Variants in SCAI observed in about 807,000 individuals in gnomAD.
The protein encoded by SCAI is protein SCAI.
Under a neutral mutation model 92.2 loss-of-function variants are expected in SCAI, and 24 were observed. The ratio of observed to expected loss-of-function variants is 0.26; its 90% confidence interval spans 0.19 to 0.37. The LOEUF is 0.37. SCAI is among the 10% of genes least tolerant of loss of function. SCAI has a pLI of 1.00. For missense variants in SCAI, 450 were observed against 736.2 expected (o/e 0.61, Z 4.50); for synonymous variants, 261 against 258.6 (o/e 1.01, Z -0.09).
At chr9:125,040,011 A>G (rs990014023) in intron 3 of SCAI, among the ~76,000 whole-genome samples, 1 of 152,196 alleles carries the variant, frequency 6.6e-6, no homozygotes, top group Non-Finnish European at 1.5e-5. Flanking sequence ...AAGTAAAACA[A>G]TGCTCTCTTG....
chr9:124,960,415 C>A (rs986668071), intron 17 of SCAI, among the ~76,000 whole-genome samples: 3 of 152,122 alleles, frequency 2.0e-5, no homozygotes, highest in Non-Finnish European at 4.4e-5. Flanking sequence ...CAACACTGTA[C>A]AACTGCCATG....
intron 2 of SCAI, among the ~76,000 whole-genome samples, chr9:125,110,500 T>C (rs1193891352): frequency 1.3e-5 from 2 of 152,200 alleles, no homozygotes; most frequent in African/African-American, 4.8e-5. Flanking sequence ...AAATCTCATG[T>C]TGAACAGCAA....
At chr9:125,001,804 T>C (rs1782935153) in intron 12 of SCAI, among the ~76,000 whole-genome samples, 161 bp downstream of exon 12, 1 of 152,176 alleles carries the variant, frequency 6.6e-6, no homozygotes, top group South Asian at 2.1e-4. Context: ...TATGACAGAC[T>C]GGGGTATCTA....
rs531869321 is a variant in SCAI, at chr9:125,008,709, G to A, written c.862-5139C>T. Among the ~76,000 whole-genome samples the A allele has an allele frequency of 2.9e-4, 44 of 152,276 alleles. No individual in the cohort carries two copies. The South Asian group carries it at 3.5e-3, about 12-fold the overall frequency. On this transcript the variant is annotated intron_variant, in intron 9 of 17. Transcript: ENST00000336505. ...ACAGAAAAGAATATAACAGACACAC[G>A]TGGCACTGTGAACGGGTCTACAAAC...
chr9:125,031,348 T>TCCTCCC (rs926258226), intron 3 of SCAI, among the ~76,000 whole-genome samples: 2 of 151,736 alleles, frequency 1.3e-5, no homozygotes, highest in Non-Finnish European at 2.9e-5. Flanking sequence ...TGCAAGCTCC[T>TCCTCCC]CCTCCCAGGT....
intron 2 of SCAI, among the ~76,000 whole-genome samples, chr9:125,090,888 G>A (rs1378129688): frequency 1.3e-5 from 2 of 152,166 alleles, no homozygotes; most frequent in Non-Finnish European, 2.9e-5. Context: ...GGAGGCCGAG[G>A]CAGGTGGATC....
intron 3 of SCAI, among the ~76,000 whole-genome samples, chr9:125,054,036 G>A (rs1454419556): frequency 1.3e-5 from 2 of 152,136 alleles, no homozygotes; most frequent in African/African-American, 2.4e-5. Flanking sequence ...GTGCAGTGGT[G>A]TGATCACAGT....
intron 9 of SCAI, among the ~76,000 whole-genome samples, chr9:125,006,781 C>T (rs1266216967): frequency 2.0e-5 from 3 of 152,156 alleles, no homozygotes; most frequent in Non-Finnish European, 4.4e-5. Context: ...TGAGCCACTG[C>T]ACCTGACCTA....
chr9:125,054,245 G>C (rs1345958610), intron 3 of SCAI, among the ~76,000 whole-genome samples: 1 of 152,188 alleles, frequency 6.6e-6, no homozygotes, highest in Admixed American at 6.5e-5. Context: ...GAAGTGCTGG[G>C]ATTATGGGCG....
chr9:125,072,930 C>T (rs561259720), intron 2 of SCAI, among the ~76,000 whole-genome samples: 1 of 152,088 alleles, frequency 6.6e-6, no homozygotes, highest in African/African-American at 2.4e-5. Flanking sequence ...CTTCTCCATT[C>T]ATCCACTGAT....
rs568427430 is a variant in SCAI, at chr9:124,953,037, T to TA, written c.1675-85dup. 1.3e-4 allele frequency: 150 copies of TA among 1,116,554 alleles called. 1 individual carries two copies. Among genetic ancestry groups the TA allele is most frequent in the Non-Finnish European group, 1.8e-4 (137 of 751,440 alleles). The allele number at this position is 1,116,554 out of a possible 1,614,324, so 69.2% of individuals were successfully genotyped here. A position where few individuals can be genotyped will look rare whatever the true frequency, so the allele number is the denominator to read the frequency against. On this transcript the variant is annotated intron_variant, in intron 17 of 17. Transcript: ENST00000336505. ...CATTGATAACAGTGTCAAGGAGTAATATGTATTTTCACTTTTATACTGGAA... is the reference window on the plus strand; with the variant it reads ...CATTGATAACAGTGTCAAGGAGTAATAATGTATTTTCACTTTTATACTGGAA...
At position 125,091,930 on chromosome 9, in the gene SCAI, T is replaced by C. The variant is rs750685353; in HGVS notation, c.99-35923A>G. On this transcript the variant is annotated intron_variant, in intron 2 of 17. Transcript: ENST00000336505. The surrounding 1 kb of genome is among the most constrained non-coding windows in gnomAD (Gnocchi z 4.3). The stretch of plus-strand genomic sequence containing the variant: ...ATCGAGACCATCCTGGCTAACACGA[T>C]GAAACCCCGTCTCTACCAAAAATAA... 5.3e-5 allele frequency among the ~76,000 whole-genome samples: 8 copies of C among 151,518 alleles called. No homozygotes were observed. Among genetic ancestry groups the C allele is most frequent in the Non-Finnish European group, 1.2e-4 (8 of 67,898 alleles).
intron 2 of SCAI, among the ~76,000 whole-genome samples, chr9:125,076,653 T>C (rs564187102): frequency 3.7e-4 from 57 of 152,172 alleles, no homozygotes; most frequent in African/African-American, 1.3e-3. Flanking sequence ...TTGTTTGAGT[T>C]CAAGAGTTTG....
At position 125,018,810 on chromosome 9, in the gene SCAI, A is replaced by G; in HGVS notation, c.850T>C (p.Cys284Arg). 1 of 1,607,974 alleles carries G rather than the reference A, an allele frequency of 6.2e-7. No individual in the cohort carries two copies. Among genetic ancestry groups the G allele is most frequent in the East Asian group, 2.2e-5 (1 of 44,792 alleles). The change falls in exon 9 of 18, where the codon TGT becomes CGT. Residue 284 changes from cysteine (C) to arginine (R), a missense_variant. Physicochemically the swap from Cys to Arg is radical, Grantham distance 180. This residue lies in a region of SCAI where 360 missense variants were observed against 601.8 expected (regional missense o/e 0.60). Coordinates refer to ENST00000336505, the MANE Select transcript of SCAI (RefSeq NM_001144877.3). ...SLADALIIGN[C>R]NNQVKFSELT... ...TCACAATTCTTTACCTGATTATTAC[A>G]ATTACCAATAATGAGTGCGTCAGCC... is the stretch of plus-strand genomic sequence containing the variant.
chr9:125,031,539 A>G lies in SCAI; in HGVS notation c.231-1800T>C, dbSNP rs201541606. On this transcript the variant is annotated intron_variant, in intron 3 of 17. Coordinates refer to ENST00000336505, the MANE Select transcript of SCAI (RefSeq NM_001144877.3). ...GCTGGGATTACAGGCATAAGCCACC[A>G]CGCCCGGCCACTTTTTTAAAAAAAT... 5.3e-5 allele frequency among the ~76,000 whole-genome samples: 8 copies of G among 152,236 alleles called. No homozygotes were observed. The East Asian group carries it at 1.5e-3, about 29-fold the overall frequency.
chr9:124,978,811 T>C (rs1401947207), intron 14 of SCAI, among the ~76,000 whole-genome samples: 1 of 151,542 alleles, frequency 6.6e-6, no homozygotes, highest in Admixed American at 6.6e-5. Flanking sequence ...TAAACAGCTA[T>C]AAAAAAGAAC....
At chr9:125,024,484 C>T (rs1832930150) in intron 6 of SCAI, among the ~76,000 whole-genome samples, 2 of 152,214 alleles carry the variant, frequency 1.3e-5, no homozygotes, top group East Asian at 1.9e-4. Context: ...ACCATGTTAA[C>T]CAGGATGGTC....
At chr9:125,033,611 G>A (rs976480051) in intron 3 of SCAI, among the ~76,000 whole-genome samples, 10 of 152,130 alleles carry the variant, frequency 6.6e-5, no homozygotes, top group Non-Finnish European at 1.3e-4. Flanking sequence ...CTGCTAATGG[G>A]TACAGGGTTC....
intron 2 of SCAI, among the ~76,000 whole-genome samples, chr9:125,089,197 C>G (rs1397756441): frequency 1.3e-5 from 2 of 152,156 alleles, no homozygotes; most frequent in Non-Finnish European, 2.9e-5. Flanking sequence ...ACTTGTAGTT[C>G]AGACTACCTC....
Sources: gnomAD v4.1 joint callset for allele counts (sites outside exome capture counted in the v4.1 genomes callset) on GRCh38, gnomAD v4.1.1 for gene constraint, gnomAD v4.1.1 regional missense constraint, Gnocchi (gnomAD v3.1) non-coding constraint, MANE v1.5 for transcripts, NCBI Gene and HGNC (gene_info 2026-07-23, HGNC 2026-07-21) for gene names.